Variants in CATSPERB observed in about 807,000 individuals in gnomAD.
CATSPERB encodes catsper channel auxiliary subunit beta.
Under a neutral mutation model 128.3 loss-of-function variants are expected in CATSPERB, and 93 were observed. The ratio of observed to expected loss-of-function variants is 0.72; its 90% CI spans 0.61 to 0.86. CATSPERB has a LOEUF of 0.86. Among genes scored for constraint, CATSPERB ranks in the 40% least tolerant of loss-of-function variants. The pLI is 0.00. For missense variants in CATSPERB, 1,153 were observed against 1,329.5 expected, an observed-to-expected ratio of 0.87 and a Z score of 2.06; for synonymous variants, 381 against 448.8, an observed-to-expected ratio of 0.85 and a Z score of 1.91.
At chr14:91,701,454 T>C (rs1028892252) in intron 7 of CATSPERB, among the ~76,000 whole-genome samples, 6 of 152,136 alleles carry the variant, frequency 3.9e-5, no homozygotes, top group Non-Finnish European at 8.8e-5. Context: ...TATGGGGGAA[T>C]TTGTTAATGA....
chr14:91,705,443 T>C (rs1352284910), intron 6 of CATSPERB, among the ~76,000 whole-genome samples: 1 of 152,182 alleles, frequency 6.6e-6, no homozygotes, highest in African/African-American at 2.4e-5. Context: ...GGGAATGAGA[T>C]GCAGAAGAGA....
intron 19 of CATSPERB, 41 bp from the exon 20 acceptor site, chr14:91,617,777 A>G: frequency 7.2e-7 from 1 of 1,383,742 alleles, no homozygotes; most frequent in Non-Finnish European, 1.0e-6. Context: ...GATAATGAAA[A>G]CTGTAAACTC....
At chr14:91,625,464 T>A (rs1025359763) in intron 17 of CATSPERB, among the ~76,000 whole-genome samples, 1 of 152,020 alleles carries the variant, frequency 6.6e-6, no homozygotes, top group Non-Finnish European at 1.5e-5. Flanking sequence ...AATTTAGAAA[T>A]GAGAAATGTC....
intron 17 of CATSPERB, among the ~76,000 whole-genome samples, chr14:91,631,219 A>G: frequency 6.6e-6 from 1 of 152,248 alleles, no homozygotes; most frequent in Non-Finnish European, 1.5e-5. Flanking sequence ...CTATATTCCC[A>G]GTGCCTAGCA....
intron 22 of CATSPERB, chr14:91,604,698 T>A (rs932667744): frequency 6.2e-7 from 1 of 1,613,262 alleles, no homozygotes; most frequent in African/African-American, 1.3e-5. Context: ...TGGGTCTGGT[T>A]GCTCCAGGTT....
intron 22 of CATSPERB, among the ~76,000 whole-genome samples, chr14:91,597,545 G>A (rs904145113): frequency 1.3e-5 from 2 of 151,944 alleles, no homozygotes; most frequent in African/African-American, 4.8e-5. Context: ...TCTGACATAG[G>A]GATCCATATA....
chr14:91,727,158 G>T (rs1239403138), intron 2 of CATSPERB, among the ~76,000 whole-genome samples: 1 of 152,226 alleles, frequency 6.6e-6, no homozygotes, highest in African/African-American at 2.4e-5. Flanking sequence ...AGGGGAATAT[G>T]TGCAGGTTTG....
At chr14:91,711,917 A>T (rs1895846228) in intron 5 of CATSPERB, among the ~76,000 whole-genome samples, 1 of 152,224 alleles carries the variant, frequency 6.6e-6, no homozygotes, top group South Asian at 2.1e-4. Context: ...TAACAGAAAG[A>T]CATCTGAAAA....
intron 22 of CATSPERB, 51 bp downstream of exon 22, chr14:91,608,243 G>A (rs373076372): frequency 8.8e-7 from 1 of 1,132,054 alleles, no homozygotes; most frequent in African/African-American, 1.5e-5. Context: ...TTTACTGAAT[G>A]ATTTCCTGAA....
At chr14:91,678,871 T>A (rs1320962777) in intron 11 of CATSPERB, among the ~76,000 whole-genome samples, 3 of 152,202 alleles carry the variant, frequency 2.0e-5, no homozygotes, top group African/African-American at 7.2e-5. Context: ...CTGAATCTTC[T>A]AAGTTGTCAG....
intron 11 of CATSPERB, among the ~76,000 whole-genome samples, chr14:91,681,419 G>C (rs1471986009): frequency 6.6e-6 from 1 of 152,184 alleles, no homozygotes; most frequent in Admixed American, 6.6e-5. Flanking sequence ...TAAAAAAATT[G>C]CATTGCCAAA....
chr14:91,667,007 G>C (rs1218752624), intron 14 of CATSPERB, among the ~76,000 whole-genome samples: 1 of 152,220 alleles, frequency 6.6e-6, no homozygotes, highest in African/African-American at 2.4e-5. Context: ...TTATGCCATA[G>C]TTAGTGATGT....
intron 24 of CATSPERB, among the ~76,000 whole-genome samples, chr14:91,588,304 C>T (rs769339840): frequency 6.3e-4 from 96 of 152,088 alleles, no homozygotes; most frequent in Admixed American, 1.9e-3. Context: ...ACTTTGTAGA[C>T]GATGTATTTA....
At chr14:91,632,925 G>C (rs1224811282) in intron 17 of CATSPERB, among the ~76,000 whole-genome samples, 1 of 152,092 alleles carries the variant, frequency 6.6e-6, no homozygotes, top group East Asian at 1.9e-4. Context: ...CTTGCACCTG[G>C]AGAAGGACAT....
intron 3 of CATSPERB, among the ~76,000 whole-genome samples, chr14:91,724,859 C>G (rs1896093394): frequency 6.6e-6 from 1 of 152,062 alleles, no homozygotes; most frequent in East Asian, 1.9e-4. Context: ...AGAATAAAAG[C>G]AAAAACACCC....
chr14:91,599,797 G>T (rs957437745), intron 22 of CATSPERB, among the ~76,000 whole-genome samples: 3 of 152,138 alleles, frequency 2.0e-5, no homozygotes, highest in Admixed American at 2.0e-4. Context: ...TCACAGAAAG[G>T]TGATACACAA....
At chr14:91,704,301 A>C (rs574391336) in intron 7 of CATSPERB, among the ~76,000 whole-genome samples, 2 of 152,330 alleles carry the variant, frequency 1.3e-5, no homozygotes, top group East Asian at 3.9e-4. Context: ...AATGGAGGGC[A>C]TGGGATAAAT....
chr14:91,581,879 A>G (rs1566691368), intron 26 of CATSPERB, among the ~76,000 whole-genome samples: 3 of 152,196 alleles, frequency 2.0e-5, no homozygotes, highest in African/African-American at 7.2e-5. Context: ...GTGCTGATGA[A>G]TGGAACTAGG....
intron 7 of CATSPERB, among the ~76,000 whole-genome samples, chr14:91,698,833 T>G (rs1297843690): frequency 1.3e-5 from 2 of 151,894 alleles, no homozygotes; most frequent in African/African-American, 2.4e-5. Flanking sequence ...TAATGTGTGG[T>G]TTTTTTTATC....
Sources: allele counts gnomAD v4.1 joint callset (sites outside exome capture counted in the v4.1 genomes callset), GRCh38; gene constraint gnomAD v4.1.1; transcripts MANE v1.5; gene names NCBI Gene and HGNC (gene_info 2026-07-23, HGNC 2026-07-21).